Variants in CSMD1 observed in about 807,000 individuals in gnomAD.
CSMD1 encodes the protein CUB and Sushi multiple domains 1.
Under a neutral mutation model 417.5 loss-of-function variants are expected in CSMD1, and 213 were observed. That is an observed-to-expected ratio of 0.51 (90% CI 0.46 to 0.57). The LOEUF is 0.57. Ranked by LOEUF, CSMD1 falls within the 20% of genes least tolerant of loss-of-function variation. The probability of loss-of-function intolerance (pLI) is 0.00; values close to 1 mark genes in which losing one functional copy is unlikely to be tolerated. For missense variants in CSMD1, 6,923 were observed against 4,529.7 expected (o/e 1.53, Z -15.17); for synonymous variants, 2,862 against 1,736.8 (o/e 1.65, Z -16.11).
Position 4,328,234 on chromosome 8 carries a change from TCAATA to T in CSMD1, c.415+91714_415+91718del, listed in dbSNP as rs1163628052. ...TTCTACACACCCAATTACATTGCACTCAATACAATTTTTTTTTTTTTTTTTTTTTT... is the reference window on the plus strand; with the variant it reads ...TTCTACACACCCAATTACATTGCACTCAATTTTTTTTTTTTTTTTTTTTTT... On this transcript the variant is annotated intron_variant, in intron 3 of 69. Transcript: ENST00000635120. Among the ~76,000 whole-genome samples the T allele has an allele frequency of 7.3e-3, 1,031 of 141,860 alleles. 8 individuals are homozygous for T. The highest frequency in any genetic ancestry group is 0.026 in the African/African-American group (984 of 37,708). The allele number at this position is 141,860 out of a possible 152,430, so 93.1% of individuals were successfully genotyped here. A position where few individuals can be genotyped will look rare whatever the true frequency, so the allele number is the denominator to read the frequency against.
At chr8:4,557,229 C>G (rs926373103) in intron 2 of CSMD1, among the ~76,000 whole-genome samples, 3 of 152,258 alleles carry the variant, frequency 2.0e-5, no homozygotes, top group African/African-American at 7.2e-5. Flanking sequence ...GACAGCTACC[C>G]TCAGTGCTAT....
chr8:4,299,737 T>C (rs1021146046), intron 3 of CSMD1, among the ~76,000 whole-genome samples: 6 of 152,094 alleles, frequency 3.9e-5, no homozygotes, highest in African/African-American at 7.2e-5. Flanking sequence ...TTCAAGCGAT[T>C]GTCATGCCTC....
At position 3,495,181 on chromosome 8, in the gene CSMD1, G is replaced by A. The variant is rs192152453; in HGVS notation, c.1345-1455C>T. Among the ~76,000 whole-genome samples the A allele has an allele frequency of 1.1e-4, 16 of 152,272 alleles. No homozygotes were observed. In the South Asian group the frequency reaches 2.3e-3, roughly 22 times the overall value. ...CCAGTATAAATACTGCATGTTAAAC[G>A]TAGCACCTGATATTTTTATTTCTAC... On this transcript the variant is annotated intron_variant, in intron 10 of 69. Coordinates refer to ENST00000635120, the MANE Select transcript of CSMD1 (RefSeq NM_033225.6).
chr8:4,157,053 T>C (rs1009936190), intron 3 of CSMD1, among the ~76,000 whole-genome samples: 1 of 152,180 alleles, frequency 6.6e-6, no homozygotes, highest in Non-Finnish European at 1.5e-5. Context: ...AAGGAGCCTG[T>C]AGACCAGAAC....
intron 63 of CSMD1, among the ~76,000 whole-genome samples, chr8:2,957,308 A>G (rs189544249): frequency 6.6e-6 from 1 of 152,360 alleles, no homozygotes; most frequent in East Asian, 1.9e-4. Flanking sequence ...GGAGAATAAT[A>G]GCACGTACAA....
At chr8:4,716,657 G>A (rs1808679416) in intron 1 of CSMD1, among the ~76,000 whole-genome samples, 2 of 152,148 alleles carry the variant, frequency 1.3e-5, no homozygotes, top group African/African-American at 2.4e-5. Context: ...CAGCATTTAA[G>A]AAAAGTATTT....
At chr8:4,658,530 C>A (rs533821798) in intron 1 of CSMD1, among the ~76,000 whole-genome samples, 2 of 152,114 alleles carry the variant, frequency 1.3e-5, no homozygotes, top group Admixed American at 1.3e-4. Context: ...GCAAACTATG[C>A]TTCAGAAATC....
chr8:3,691,328 C>T (rs2623601), intron 7 of CSMD1, among the ~76,000 whole-genome samples: 5,341 of 151,688 alleles, frequency 0.035, 313 homozygotes, highest in African/African-American at 0.12. Flanking sequence ...GATCGTGCCA[C>T]TGCACTCCAG....
At chr8:4,207,612 C>G (rs1162025565) in intron 3 of CSMD1, among the ~76,000 whole-genome samples, 2 of 152,038 alleles carry the variant, frequency 1.3e-5, no homozygotes, top group South Asian at 4.1e-4. Context: ...TTCAGTAAGA[C>G]TGGCAACATT....
chr8:3,396,339 A>G lies in CSMD1; in HGVS notation c.2448T>C (p.Asp816=), dbSNP rs1272778921. The change falls in exon 17 of 70, where the codon GAT becomes GAC. Residue 816 remains aspartate (D), a synonymous_variant. Coordinates refer to ENST00000635120, the MANE Select transcript of CSMD1 (RefSeq NM_033225.6). Reference sequence around the variant, plus strand: ...TCAGTGGGGACGAACTGGCTGGCCCATCTCTGACCTCCAAGGTGTCATAAT... The same window carrying G: ...TCAGTGGGGACGAACTGGCTGGCCCGTCTCTGACCTCCAAGGTGTCATAAT... ...EVNYDTLEVR[D]GPASSSPLIG... is the part of the protein sequence containing the mutation. 3.7e-6 allele frequency: 6 copies of G among 1,606,126 alleles called. No homozygotes were observed. In the South Asian group the frequency reaches 4.5e-5, roughly 12 times the overall value.
rs1291806163 is a variant in CSMD1, at chr8:4,737,428, A to G, written c.86-99870T>C. Among the ~76,000 whole-genome samples the G allele has an allele frequency of 2.6e-5, 4 of 152,184 alleles. No individual in the cohort carries two copies. In the East Asian group the frequency reaches 5.8e-4, roughly 22 times the overall value. ...TCTGGGTGATGAGATAATCTGTACC[A>G]CAAATTGCCATAACAAAAATTTACC... On this transcript the variant is annotated intron_variant, in intron 1 of 69. Transcript: ENST00000635120.
At chr8:4,351,167 A>T (rs1056262201) in intron 3 of CSMD1, among the ~76,000 whole-genome samples, 4 of 151,980 alleles carry the variant, frequency 2.6e-5, no homozygotes, top group Admixed American at 1.3e-4. Context: ...AAAAAAAAAA[A>T]TTAGGGAAAG....
chr8:3,568,188 T>C (rs573063640), intron 10 of CSMD1, among the ~76,000 whole-genome samples: 111 of 152,372 alleles, frequency 7.3e-4, no homozygotes, highest in African/African-American at 2.5e-3. Context: ...GTACTGATGT[T>C]CACTTGCCAA....
chr8:4,878,037 C>T (rs75791865), intron 1 of CSMD1, among the ~76,000 whole-genome samples: 1 of 152,066 alleles, frequency 6.6e-6, no homozygotes, highest in Non-Finnish European at 1.5e-5. Flanking sequence ...CCACATAAAA[C>T]CTATTTGATC....
chr8:4,534,710 T>G (rs759004482), intron 2 of CSMD1, among the ~76,000 whole-genome samples: 1 of 152,170 alleles, frequency 6.6e-6, no homozygotes, highest in Non-Finnish European at 1.5e-5. Context: ...GTCCCTGTGT[T>G]AGCTTGCTTA....
intron 10 of CSMD1, among the ~76,000 whole-genome samples, chr8:3,529,847 G>A (rs866668823): frequency 1.3e-5 from 2 of 152,066 alleles, no homozygotes; most frequent in Non-Finnish European, 2.9e-5. Flanking sequence ...ACATTTTCTT[G>A]GACAATAAAT....
intron 6 of CSMD1, among the ~76,000 whole-genome samples, chr8:3,724,427 T>C (rs1802372745): frequency 6.6e-6 from 1 of 152,216 alleles, no homozygotes; most frequent in South Asian, 2.1e-4. Flanking sequence ...AATGAAGTGA[T>C]AAACATTTAA....
At chr8:4,492,813 T>C (rs115284577) in intron 2 of CSMD1, among the ~76,000 whole-genome samples, 116 of 152,330 alleles carry the variant, frequency 7.6e-4, no homozygotes, top group African/African-American at 2.8e-3. Flanking sequence ...GAGCACACAG[T>C]AATTTACTCC....
At chr8:4,655,229 C>A (rs528792244) in intron 1 of CSMD1, among the ~76,000 whole-genome samples, 9 of 151,980 alleles carry the variant, frequency 5.9e-5, no homozygotes, top group Non-Finnish European at 8.8e-5. Flanking sequence ...ACCTGCAAAT[C>A]TTACCTTGGT....
Sources: gnomAD v4.1 joint callset for allele counts (sites outside exome capture counted in the v4.1 genomes callset) on GRCh38, gnomAD v4.1.1 for gene constraint, MANE v1.5 for transcripts, NCBI Gene and HGNC (gene_info 2026-07-23, HGNC 2026-07-21) for gene names.